CCDC102B: variants seen among roughly 807,000 people sequenced by gnomAD.
CCDC102B encodes the protein coiled-coil domain-containing protein 102B.
In CCDC102B, 75 loss-of-function variants were observed where a neutral mutation model predicts 57.4. The ratio of observed to expected loss-of-function variants is 1.31; its 90% confidence interval spans 1.08 to 1.58. The LOEUF is 1.58. CCDC102B is among the 40% of genes most tolerant of loss of function. CCDC102B has a pLI of 0.00. For missense variants in CCDC102B, 636 were observed against 582.6 expected, an observed-to-expected ratio of 1.09 and a Z score of -0.94; for synonymous variants, 206 against 201.9, an observed-to-expected ratio of 1.02 and a Z score of -0.17.
At chr18:68,838,575 C>G in intron 2 of CCDC102B, 131 bp from the exon 3 acceptor site, 1 of 1,439,706 alleles carries the variant, frequency 6.9e-7, no homozygotes. Context: ...ACAACACTTT[C>G]AGGGAATGAT....
At chr18:68,881,862 A>G (rs1391717816) in intron 5 of CCDC102B, among the ~76,000 whole-genome samples, 2 of 152,132 alleles carry the variant, frequency 1.3e-5, no homozygotes, top group African/African-American at 2.4e-5. Flanking sequence ...ACCACCAAAA[A>G]TTACCTAAAC....
At chr18:68,759,524 T>C (rs529261679) in intron 2 of CCDC102B, among the ~76,000 whole-genome samples, 21 of 152,198 alleles carry the variant, frequency 1.4e-4, no homozygotes, top group Admixed American at 1.3e-3. Flanking sequence ...ATCAGACTTC[T>C]CAACAGACAT....
intron 5 of CCDC102B, among the ~76,000 whole-genome samples, chr18:68,887,586 T>A (rs1160780046): frequency 6.6e-6 from 1 of 152,222 alleles, no homozygotes; most frequent in Non-Finnish European, 1.5e-5. Context: ...ACTGACATAT[T>A]TGAGTAATCG....
At chr18:68,896,763 TAGAGAG>T (rs1423288618) in intron 5 of CCDC102B, among the ~76,000 whole-genome samples, 3 of 151,914 alleles carry the variant, frequency 2.0e-5, no homozygotes, top group Non-Finnish European at 4.4e-5. Flanking sequence ...GTTGCATAGA[TAGAGAG>T]ATAGAGAGAT....
intron 6 of CCDC102B, among the ~76,000 whole-genome samples, chr18:68,905,817 A>G (rs1391594395): frequency 4.6e-5 from 5 of 107,860 alleles, no homozygotes; most frequent in African/African-American, 1.1e-4. Flanking sequence ...TTTTTGAGAC[A>G]GAGTCTAGCT....
At chr18:68,988,672 A>G (rs1480910427) in intron 6 of CCDC102B, among the ~76,000 whole-genome samples, 1 of 152,196 alleles carries the variant, frequency 6.6e-6, no homozygotes, top group Non-Finnish European at 1.5e-5. Flanking sequence ...GAAAGTAAAA[A>G]CTTCATGATT....
intron 6 of CCDC102B, among the ~76,000 whole-genome samples, chr18:68,991,172 T>G (rs1599806396): frequency 6.7e-6 from 1 of 148,556 alleles, no homozygotes; most frequent in South Asian, 2.2e-4. Context: ...TGTTTGGACA[T>G]TGGGTCTGTA....
At chr18:68,984,002 A>G (rs995827332) in intron 6 of CCDC102B, among the ~76,000 whole-genome samples, 1 of 151,950 alleles carries the variant, frequency 6.6e-6, no homozygotes, top group African/African-American at 2.4e-5. Flanking sequence ...TTCTCTGTGC[A>G]GGAAAGTTAA....
chr18:68,887,369 A>G (rs992923669), intron 5 of CCDC102B, among the ~76,000 whole-genome samples: 1 of 152,210 alleles, frequency 6.6e-6, no homozygotes, highest in African/African-American at 2.4e-5. Flanking sequence ...CTGGTCATAA[A>G]TAATTATTGG....
chr18:68,819,065 C>T (rs1462526564), intron 1 of CCDC102B, among the ~76,000 whole-genome samples: 1 of 152,060 alleles, frequency 6.6e-6, no homozygotes, highest in Admixed American at 6.6e-5. Flanking sequence ...CCTTTTCATT[C>T]TGTTGACAAT....
rs4450506 is a variant in CCDC102B at position 68,954,811 on chromosome 18, C to G, written c.1264-56123C>G. ...TTGCTTTTTCCTTAATGCCTGAACTCTAATTGCATTGCCTCATCACTGGCA... is the reference window on the plus strand; with the variant it reads ...TTGCTTTTTCCTTAATGCCTGAACTGTAATTGCATTGCCTCATCACTGGCA... On this transcript the variant is annotated intron_variant, in intron 6 of 7. Coordinates refer to ENST00000360242, the MANE Select transcript of CCDC102B (RefSeq NM_024781.3). Among the ~76,000 whole-genome samples, 3 of 152,010 alleles carry G rather than the reference C, an allele frequency of 2.0e-5. No homozygotes were observed. In the East Asian group the frequency reaches 5.8e-4, roughly 29 times the overall value.
Position 68,739,184 on chromosome 18 carries a change from C to T in CCDC102B, c.-67+22590C>T, listed in dbSNP as rs149736303. On this transcript the variant is annotated intron_variant, in intron 2 of 3. Transcript: ENST00000578970. The stretch of plus-strand genomic sequence containing the variant: ...TAATTTCTTGTATTTTTAGTAGAGA[C>T]GGGTTTTCGCTGTGTTGGCCAGGCT... 9.4e-3 allele frequency among the ~76,000 whole-genome samples: 1,431 copies of T among 152,072 alleles called. 11 individuals are homozygous for T. Among genetic ancestry groups the T allele is most frequent in the Non-Finnish European group, 0.016 (1,067 of 67,962 alleles).
chr18:68,854,347 G>T (rs377723292), intron 4 of CCDC102B, among the ~76,000 whole-genome samples: 8 of 152,242 alleles, frequency 5.3e-5, no homozygotes, highest in East Asian at 1.9e-4. Flanking sequence ...TGACCCGCCT[G>T]CCTCGGCCTC....
At chr18:68,776,565 C>T (rs2034824889) in intron 2 of CCDC102B, among the ~76,000 whole-genome samples, 1 of 152,046 alleles carries the variant, frequency 6.6e-6, no homozygotes, top group African/African-American at 2.4e-5. Flanking sequence ...AACTCAGGAA[C>T]AAAAAACAAA....
At chr18:68,885,919 TG>T (rs1475815051) in intron 5 of CCDC102B, among the ~76,000 whole-genome samples, 1 of 152,040 alleles carries the variant, frequency 6.6e-6, no homozygotes, top group Non-Finnish European at 1.5e-5. Flanking sequence ...GTACTTCTAT[TG>T]GAATGTTCCA....
At chr18:68,962,444 A>G (rs1419378823) in intron 6 of CCDC102B, among the ~76,000 whole-genome samples, 3 of 152,018 alleles carry the variant, frequency 2.0e-5, no homozygotes, top group African/African-American at 7.2e-5. Context: ...ACTCTCCTTC[A>G]TTCTATACTC....
intron 6 of CCDC102B, among the ~76,000 whole-genome samples, chr18:69,002,322 T>C (rs949008806): frequency 6.6e-6 from 1 of 152,216 alleles, no homozygotes; most frequent in Non-Finnish European, 1.5e-5. Context: ...AAAGAGGGCA[T>C]GGTGAATGGT....
At chr18:68,777,571 T>C (rs9319768) in intron 2 of CCDC102B, among the ~76,000 whole-genome samples, 64,386 of 152,004 alleles carry the variant, frequency 0.42, 14,306 homozygotes, top group Non-Finnish European at 0.5. Context: ...TCTAGCTACT[T>C]AAAATCTTTT....
At chr18:69,047,522 T>C (rs1445975200) in intron 7 of CCDC102B, among the ~76,000 whole-genome samples, 1 of 151,984 alleles carries the variant, frequency 6.6e-6, no homozygotes, top group Non-Finnish European at 1.5e-5. Context: ...TTCAACATAG[T>C]ATGAGAAGCC....
Sources: gnomAD v4.1 joint callset for allele counts (sites outside exome capture counted in the v4.1 genomes callset) on GRCh38, gnomAD v4.1.1 for gene constraint, MANE v1.5 for transcripts, NCBI Gene and HGNC (gene_info 2026-07-23, HGNC 2026-07-21) for gene names.